MAP4: variants seen among roughly 807,000 people sequenced by gnomAD.
The protein encoded by MAP4 is microtubule-associated protein 4.
In MAP4, 76 loss-of-function variants were observed where a neutral mutation model predicts 170.2. The ratio of observed to expected loss-of-function variants is 0.45; its 90% CI spans 0.37 to 0.54. The LOEUF is 0.54. MAP4 is among the 20% of genes least tolerant of loss of function. The pLI, the probability that MAP4 is intolerant of heterozygous loss-of-function variation, is 0.00. For synonymous variants in MAP4, 909 were observed against 994.5 expected, an observed-to-expected ratio of 0.91 and a Z score of 1.62; for missense variants, 2,506 against 2,748.0, an observed-to-expected ratio of 0.91 and a Z score of 1.97.
At chr3:47,868,432 T>C (rs150578886) in intron 16 of MAP4, among the ~76,000 whole-genome samples, 1 of 152,284 alleles carries the variant, frequency 6.6e-6, no homozygotes, top group African/African-American at 2.4e-5. Context: ...CTAGGACCTC[T>C]AGTAGTCACC....
upstream of MAP4, among the ~76,000 whole-genome samples, chr3:48,018,173 T>C (rs1002647526): frequency 2.0e-5 from 3 of 152,210 alleles, no homozygotes; most frequent in African/African-American, 7.2e-5. Flanking sequence ...GGCCATGGAC[T>C]GGTACCAATC....
intron 10 of MAP4, among the ~76,000 whole-genome samples, chr3:47,883,337 C>G (rs979787115): frequency 3.3e-5 from 5 of 152,124 alleles, no homozygotes; most frequent in African/African-American, 1.2e-4. Flanking sequence ...GATTCTCCTG[C>G]CTCAGCCTTC....
At chr3:47,925,846 T>C (rs919704562) in intron 4 of MAP4, among the ~76,000 whole-genome samples, 2 of 152,140 alleles carry the variant, frequency 1.3e-5, no homozygotes, top group African/African-American at 4.8e-5. Flanking sequence ...GGTAAGTAGA[T>C]AGAGTACAAT....
At chr3:47,981,288 G>A (rs1230011940) in intron 2 of MAP4, among the ~76,000 whole-genome samples, 2 of 151,984 alleles carry the variant, frequency 1.3e-5, no homozygotes, top group African/African-American at 4.8e-5. Context: ...GACACCCTAG[G>A]GTATGCCTAT....
intron 3 of MAP4, chr3:47,973,851 T>C (rs759403404): frequency 6.3e-5 from 62 of 985,452 alleles, no homozygotes; most frequent in Non-Finnish European, 7.0e-5. Flanking sequence ...TTGTGTTTTC[T>C]TTGATGGTGT....
At position 47,862,105 on chromosome 3, in the gene MAP4, G is replaced by A. The variant is rs527373879; in HGVS notation, c.6502-4593C>T. On this transcript the variant is annotated intron_variant, in intron 17 of 20. Coordinates refer to ENST00000683076, the MANE Select transcript of MAP4 (RefSeq NM_001385682.1). Reference sequence around the variant, plus strand: ...GAATTCGGGAGGCGGAGGTTTCAGTGAGCCGAGATCGCGCCACTGCACTCC... The same window carrying A: ...GAATTCGGGAGGCGGAGGTTTCAGTAAGCCGAGATCGCGCCACTGCACTCC... 1.7e-4 allele frequency among the ~76,000 whole-genome samples: 25 copies of A among 147,730 alleles called. 1 individual carries two copies. In the South Asian group the frequency reaches 5.5e-3, roughly 32 times the overall value.
chr3:47,972,934 G>T, intron 3 of MAP4: 3 of 722,204 alleles, frequency 4.2e-6, no homozygotes, highest in Middle Eastern at 7.0e-4. Flanking sequence ...GAAAATGCTT[G>T]ACAAAAACTT....
At chr3:47,871,134 G>T in intron 14 of MAP4, 29 bp from the exon 15 acceptor site, 1 of 1,609,348 alleles carries the variant, frequency 6.2e-7, no homozygotes, top group Non-Finnish European at 8.5e-7. Context: ...GAGATAACAC[G>T]GGTTCAGGGA....
intron 17 of MAP4, among the ~76,000 whole-genome samples, chr3:47,866,067 A>G (rs550543732): frequency 5.3e-5 from 8 of 152,152 alleles, no homozygotes; most frequent in Non-Finnish European, 1.2e-4. Flanking sequence ...GTCTGGGCGC[A>G]GTGGCTCACA....
chr3:47,970,353 C>T (rs570838534), intron 3 of MAP4, among the ~76,000 whole-genome samples: 24 of 151,932 alleles, frequency 1.6e-4, no homozygotes, highest in Admixed American at 1.2e-3. Context: ...GGTATGGTGG[C>T]GTGTGCCTGT....
intron 3 of MAP4, among the ~76,000 whole-genome samples, chr3:47,950,203 C>G (rs2100062813): frequency 6.6e-6 from 1 of 152,210 alleles, no homozygotes; most frequent in Admixed American, 6.5e-5. Flanking sequence ...TCAGAGTTCT[C>G]TTTACCCTTT....
intron 6 of MAP4, among the ~76,000 whole-genome samples, chr3:47,918,004 T>A (rs2153644689): frequency 6.6e-6 from 1 of 151,852 alleles, no homozygotes; most frequent in Admixed American, 6.6e-5. Context: ...CTTATTTATT[T>A]ATTTATTTAG....
intron 9 of MAP4, among the ~76,000 whole-genome samples, chr3:47,908,564 GC>G (rs1052421016): frequency 1.3e-5 from 2 of 152,068 alleles, no homozygotes; most frequent in African/African-American, 4.8e-5. Flanking sequence ...TAACCTAAAA[GC>G]AGTTTGGATA....
At chr3:48,045,994 T>C (rs999549994) in intron 1 of MAP4, among the ~76,000 whole-genome samples, 1 of 151,730 alleles carries the variant, frequency 6.6e-6, no homozygotes, top group Non-Finnish European at 1.5e-5. Context: ...CTTTTTTTTT[T>C]TTTTTTTTTT....
chr3:47,944,499 C>T (rs1466550102), intron 3 of MAP4, among the ~76,000 whole-genome samples: 2 of 151,984 alleles, frequency 1.3e-5, no homozygotes, highest in African/African-American at 4.8e-5. Flanking sequence ...ATCATTACTT[C>T]TTTCCTTCCT....
intron 1 of MAP4, among the ~76,000 whole-genome samples, chr3:48,009,075 G>A (rs955707544): frequency 3.9e-5 from 6 of 152,082 alleles, no homozygotes; most frequent in Admixed American, 3.3e-4. Context: ...TACCATTTGT[G>A]GAATGTTTTT....
chr3:48,078,324 T>A (rs1460236693), intron 1 of MAP4, among the ~76,000 whole-genome samples: 1 of 150,338 alleles, frequency 6.7e-6, no homozygotes, highest in Non-Finnish European at 1.5e-5. Context: ...TTTTTTTTTT[T>A]TTTTTTTTTG....
chr3:48,056,903 G>A, intron 1 of MAP4, among the ~76,000 whole-genome samples: 1 of 137,876 alleles, frequency 7.3e-6, no homozygotes, highest in South Asian at 2.3e-4. Flanking sequence ...GGGCGCCTCT[G>A]CCCGGCCAGC....
In MAP4 at chr3:48,074,676, TTGTGTGTGTGTGTGTGTGTGTG is replaced by T. The variant is rs555691222; in HGVS notation, c.-20+14075_-20+14096del. Among the ~76,000 whole-genome samples, 10 of 90,638 alleles carry T rather than the reference TTGTGTGTGTGTGTGTGTGTGTG, an allele frequency of 1.1e-4. No homozygotes were observed. The South Asian group carries it at 2.4e-3, about 21-fold the overall frequency. The allele number at this position is 90,638 out of a possible 152,430, so 59.5% of individuals were successfully genotyped here. A position where few individuals can be genotyped will look rare whatever the true frequency, so the allele number is the denominator to read the frequency against. Reference sequence around the variant, plus strand: ...GGGGCAAGCCACCACATCCAGCTAATTGTGTGTGTGTGTGTGTGTGTGTGTGTGTGTGTGTGTGTGTGTGTGT... The same window carrying T: ...GGGGCAAGCCACCACATCCAGCTAATTGTGTGTGTGTGTGTGTGTGTGTGT... On this transcript the variant is annotated intron_variant, in intron 1 of 18. Transcript: ENST00000360240.
Sources: allele counts gnomAD v4.1 joint callset (sites outside exome capture counted in the v4.1 genomes callset), GRCh38; gene constraint gnomAD v4.1.1; transcripts MANE v1.5; gene names NCBI Gene and HGNC (gene_info 2026-07-23, HGNC 2026-07-21).